The following MAP3K5 variants were observed in gnomAD, a reference collection of about 807,000 sequenced individuals.
MAP3K5 encodes mitogen-activated protein kinase kinase kinase 5.
MAP3K5 carries 56 observed loss-of-function variants against 158.7 expected under a neutral mutation model. The observed-to-expected ratio is 0.35, with a 90% CI of 0.28 to 0.44. MAP3K5 has a LOEUF of 0.44. Among genes scored for constraint, MAP3K5 ranks in the 20% least tolerant of loss-of-function variants. The pLI, the probability that MAP3K5 is intolerant of heterozygous loss-of-function variation, is 1.00. For missense variants in MAP3K5, 1,294 were observed against 1,674.8 expected, an observed-to-expected ratio of 0.77 and a Z score of 3.97; for synonymous variants, 579 against 601.7, an observed-to-expected ratio of 0.96 and a Z score of 0.55.
At chr6:136,579,708 A>AG (rs1393476434) in intron 25 of MAP3K5, 8 of 412,648 alleles carry the variant, frequency 1.9e-5, no homozygotes, top group Non-Finnish European at 3.4e-5. Context: ...TTGATAATGG[A>AG]GGAGGCTATG....
At chr6:136,570,565 A>G (rs1234298175) in intron 25 of MAP3K5, among the ~76,000 whole-genome samples, 2 of 152,172 alleles carry the variant, frequency 1.3e-5, no homozygotes, top group Non-Finnish European at 2.9e-5. Flanking sequence ...TTTTGATCAT[A>G]ACAAAAACCA....
chr6:136,771,920 A>T (rs1053093396), intron 1 of MAP3K5, among the ~76,000 whole-genome samples: 9 of 148,516 alleles, frequency 6.1e-5, no homozygotes, highest in African/African-American at 2.2e-4. Flanking sequence ...CTCCCTTTTT[A>T]TTTTTTTTTT....
intron 7 of MAP3K5, among the ~76,000 whole-genome samples, chr6:136,674,072 G>A (rs9402839): frequency 0.21 from 32,305 of 151,616 alleles, 4,953 homozygotes; most frequent in African/African-American, 0.43. Context: ...AGACTTTGCC[G>A]TACAAACTAT....
intron 7 of MAP3K5, among the ~76,000 whole-genome samples, chr6:136,681,594 C>T (rs1433132126): frequency 6.6e-6 from 1 of 152,104 alleles, no homozygotes; most frequent in African/African-American, 2.4e-5. Context: ...GATCACACCC[C>T]TGCACTCCAG....
At chr6:136,730,161 T>C (rs988880997) in intron 1 of MAP3K5, among the ~76,000 whole-genome samples, 3 of 139,208 alleles carry the variant, frequency 2.2e-5, no homozygotes, top group African/African-American at 6.4e-5. Flanking sequence ...TTGTTTTTTT[T>C]TTTTTGTTTT....
At chr6:136,561,741 A>C in intron 27 of MAP3K5, 96 bp from the exon 28 acceptor site, 1 of 691,134 alleles carries the variant, frequency 1.4e-6, no homozygotes, top group Non-Finnish European at 2.6e-6. Flanking sequence ...ACTTTAAAAG[A>C]TTTTGCTCTA....
chr6:136,718,675 A>G (rs1156762671), intron 2 of MAP3K5, among the ~76,000 whole-genome samples: 2 of 152,356 alleles, frequency 1.3e-5, no homozygotes, highest in Non-Finnish European at 2.9e-5. Flanking sequence ...GCTTAAAACA[A>G]TAAGCCAGTT....
chr6:136,781,070 G>A (rs1337306823), intron 1 of MAP3K5, among the ~76,000 whole-genome samples: 3 of 152,164 alleles, frequency 2.0e-5, no homozygotes, highest in Non-Finnish European at 4.4e-5. Flanking sequence ...ATCACATTAA[G>A]GGAAACTGCA....
intron 1 of MAP3K5, among the ~76,000 whole-genome samples, chr6:136,731,529 G>C (rs377008100): frequency 2.5e-4 from 38 of 152,260 alleles, no homozygotes; most frequent in African/African-American, 8.4e-4. Flanking sequence ...TGGCATTTAG[G>C]ACACACCCAG....
At chr6:136,656,083 C>A in intron 10 of MAP3K5, 1 of 485,986 alleles carries the variant, frequency 2.1e-6, no homozygotes, top group South Asian at 2.2e-5. Flanking sequence ...AGGAACCACC[C>A]AAATTCCATG....
At chr6:136,696,195 A>C (rs1780594229) in intron 5 of MAP3K5, 138 bp from the exon 6 acceptor site, 1 of 566,076 alleles carries the variant, frequency 1.8e-6, no homozygotes, top group East Asian at 2.9e-5. Context: ...CACTTTGAAG[A>C]ACCTAGAATA....
chr6:136,592,056 A>G, intron 23 of MAP3K5, 117 bp downstream of exon 23: 1 of 830,058 alleles, frequency 1.2e-6, no homozygotes, highest in Non-Finnish European at 1.8e-6. Flanking sequence ...TAGGTTTATC[A>G]TGATGATCAC....
chr6:136,680,483 A>G (rs1779886287), intron 7 of MAP3K5, among the ~76,000 whole-genome samples: 1 of 152,204 alleles, frequency 6.6e-6, no homozygotes, highest in Non-Finnish European at 1.5e-5. Context: ...TGTCATGAAC[A>G]CCATTGCAGA....
intron 14 of MAP3K5, among the ~76,000 whole-genome samples, chr6:136,631,185 T>C (rs1777334385): frequency 1.3e-5 from 2 of 152,184 alleles, no homozygotes; most frequent in Admixed American, 1.3e-4. Context: ...CCCTGACCAT[T>C]GAACATAAGC....
intron 25 of MAP3K5, among the ~76,000 whole-genome samples, chr6:136,576,632 C>T (rs1274579461): frequency 2.0e-5 from 3 of 152,054 alleles, no homozygotes; most frequent in East Asian, 3.9e-4. Context: ...ATTTCCCCTG[C>T]CCCCAGCCCG....
At chr6:136,647,397 G>A (rs951188333) in intron 11 of MAP3K5, among the ~76,000 whole-genome samples, 7 of 152,120 alleles carry the variant, frequency 4.6e-5, no homozygotes, top group Admixed American at 1.3e-4. Flanking sequence ...GCATGCCTAG[G>A]CCACGAAGCA....
At position 136,791,747 on chromosome 6, in the gene MAP3K5, A is replaced by G. The variant is rs1015897177; in HGVS notation, c.411T>C (p.Phe137=). 1 of 1,613,396 alleles carries G rather than the reference A, an allele frequency of 6.2e-7. No homozygotes were observed. The highest frequency in any genetic ancestry group is 8.5e-7 in the Non-Finnish European group (1 of 1,180,026). ...LETLHFGKLD[F]GETTVLDRFY... ...AGCGGTCCAGCACGGTGGTTTCTCC[A>G]AAGTCGAGTTTCCCAAAATGCAGGG... Residue 137 remains phenylalanine, a synonymous_variant, in exon 1 of 30, where the codon TTT becomes TTC. Transcript: ENST00000359015.
At chr6:136,683,299 T>C (rs539063606) in intron 7 of MAP3K5, among the ~76,000 whole-genome samples, 1 of 152,218 alleles carries the variant, frequency 6.6e-6, no homozygotes, top group Non-Finnish European at 1.5e-5. Context: ...AGTAAGTTTT[T>C]ACAAGCATGT....
intron 11 of MAP3K5, among the ~76,000 whole-genome samples, chr6:136,643,274 C>A (rs1778078447): frequency 6.6e-6 from 1 of 152,150 alleles, no homozygotes; most frequent in African/African-American, 2.4e-5. Context: ...TTATCAAATT[C>A]ATATGTCCCT....
Sources: gnomAD v4.1 joint callset for allele counts (sites outside exome capture counted in the v4.1 genomes callset) on GRCh38, gnomAD v4.1.1 for gene constraint, MANE v1.5 for transcripts, NCBI Gene and HGNC (gene_info 2026-07-23, HGNC 2026-07-21) for gene names.